The following SAMD5 variants were observed in gnomAD, a reference collection of about 807,000 sequenced individuals.
SAMD5 encodes sterile alpha motif domain-containing protein 5.
A neutral mutation model predicts 11.3 loss-of-function variants in SAMD5; 13 were observed. The ratio of observed to expected loss-of-function variants is 1.15; its 90% CI spans 0.75 to 1.83. The LOEUF (loss-of-function observed/expected upper bound fraction) is 1.83. Ranked by LOEUF, SAMD5 falls within the 40% of genes most tolerant of loss-of-function variation. The probability of loss-of-function intolerance (pLI) is 0.00; values close to 1 mark genes in which losing one functional copy is unlikely to be tolerated. For synonymous variants in SAMD5, 129 were observed against 111.3 expected, an observed-to-expected ratio of 1.16 and a Z score of -1.00; for missense variants, 255 against 239.1, an observed-to-expected ratio of 1.07 and a Z score of -0.44.
chr6:147,793,569 CTA>C, the SAMD5 span, among the ~76,000 whole-genome samples: 2 of 152,184 alleles, frequency 1.3e-5, no homozygotes, highest in East Asian at 3.9e-4. Context: ...GTTCATAGAT[CTA>C]TGTCTTTTTC....
At chr6:147,810,435 G>A in the SAMD5 span, among the ~76,000 whole-genome samples, 13 of 152,108 alleles carry the variant, frequency 8.5e-5, no homozygotes, top group African/African-American at 2.2e-4. Flanking sequence ...TGTGTAGTGC[G>A]GGCTTGACCC....
chr6:147,866,191 A>G, the SAMD5 span, among the ~76,000 whole-genome samples: 1 of 152,132 alleles, frequency 6.6e-6, no homozygotes, highest in Non-Finnish European at 1.5e-5. Context: ...CCAGACATAC[A>G]CATAGACACA....
chr6:147,609,720 C>G (rs1210557755), intron 1 of SAMD5, among the ~76,000 whole-genome samples: 1 of 152,004 alleles, frequency 6.6e-6, no homozygotes, highest in Non-Finnish European at 1.5e-5. Flanking sequence ...CCACGCCTGG[C>G]TAATTTTTTG....
the SAMD5 span, among the ~76,000 whole-genome samples, chr6:147,759,967 G>GTT: frequency 6.6e-6 from 1 of 152,110 alleles, no homozygotes; most frequent in Admixed American, 6.6e-5. Context: ...TCTTCCCTAT[G>GTT]AATTCATTGT....
intron 1 of SAMD5, among the ~76,000 whole-genome samples, chr6:147,702,760 G>A (rs1291367735): frequency 2.0e-5 from 3 of 152,080 alleles, no homozygotes; most frequent in Non-Finnish European, 4.4e-5. Context: ...ATGGACCAGT[G>A]GAGCTGCTGG....
chr6:147,828,008 G>A, the SAMD5 span, among the ~76,000 whole-genome samples: 1 of 151,224 alleles, frequency 6.6e-6, no homozygotes, highest in African/African-American at 2.4e-5. Context: ...CCGTGGTCTC[G>A]ATCTCCTGAC....
the SAMD5 span, among the ~76,000 whole-genome samples, chr6:147,755,681 G>T: frequency 6.6e-6 from 1 of 151,970 alleles, no homozygotes. Context: ...TCCAGATTTG[G>T]GGAATATAAC....
chr6:147,616,664 G>A (rs1310457062), intron 1 of SAMD5, among the ~76,000 whole-genome samples: 5 of 152,122 alleles, frequency 3.3e-5, no homozygotes, highest in African/African-American at 9.7e-5. Flanking sequence ...AGAAATACCC[G>A]AGACTGAGTA....
downstream of SAMD5, among the ~76,000 whole-genome samples, chr6:147,573,029 A>C (rs1257487400): frequency 6.6e-6 from 1 of 152,216 alleles, no homozygotes; most frequent in Non-Finnish European, 1.5e-5. Context: ...GCTGAGAATT[A>C]CAATTGCTTG....
At chr6:147,881,938 C>T in the SAMD5 span, among the ~76,000 whole-genome samples, 1 of 152,172 alleles carries the variant, frequency 6.6e-6, no homozygotes, top group East Asian at 1.9e-4. Context: ...CGGGCCCCAT[C>T]CATTACATTG....
intron 1 of SAMD5, among the ~76,000 whole-genome samples, chr6:147,682,968 A>G (rs544550308): frequency 6.6e-6 from 1 of 152,336 alleles, no homozygotes; most frequent in South Asian, 2.1e-4. Flanking sequence ...GTGAAATTCT[A>G]TGGTAATCAA....
chr6:147,835,483 T>C, the SAMD5 span, among the ~76,000 whole-genome samples: 1 of 152,132 alleles, frequency 6.6e-6, no homozygotes, highest in African/African-American at 2.4e-5. Flanking sequence ...CCTCCAGTCA[T>C]GATGGTCTAT....
At chr6:147,901,537 A>C in the SAMD5 span, among the ~76,000 whole-genome samples, 2 of 152,222 alleles carry the variant, frequency 1.3e-5, no homozygotes, top group South Asian at 4.1e-4. Flanking sequence ...ATGCTGGATT[A>C]AATAACTTCT....
chr6:147,949,484 GA>G, the SAMD5 span, among the ~76,000 whole-genome samples: 2 of 152,190 alleles, frequency 1.3e-5, no homozygotes, highest in African/African-American at 2.4e-5. Flanking sequence ...AAGAGAACTT[GA>G]AAACACTTTA....
In SAMD5 at chr6:147,564,974, T is replaced by C. The variant is rs1437882037; in HGVS notation, c.*518T>C. The C allele has an allele frequency of 3.7e-6, 3 of 818,272 alleles. No homozygotes were observed. The highest frequency in any genetic ancestry group is 4.4e-6 in the Non-Finnish European group (3 of 679,250). The allele number at this position is 818,272 out of a possible 1,614,324, so 50.7% of individuals were successfully genotyped here. On this transcript the variant is annotated 3_prime_UTR_variant, in exon 2 of 2. Transcript: ENST00000367474. Reference sequence around the variant, plus strand: ...TTATAAGATAAGATACATAATTCTATGTAGAATAGTTTGGTGAAGGAATTC... The same window carrying C: ...TTATAAGATAAGATACATAATTCTACGTAGAATAGTTTGGTGAAGGAATTC...
chr6:147,716,248 G>T (rs1327588781), intron 1 of SAMD5, among the ~76,000 whole-genome samples: 1 of 152,224 alleles, frequency 6.6e-6, no homozygotes, highest in East Asian at 1.9e-4. Context: ...GCAAGGGACT[G>T]GTGCATCAGT....
At chr6:147,688,325 G>A (rs2128456827) in intron 1 of SAMD5, among the ~76,000 whole-genome samples, 2 of 151,504 alleles carry the variant, frequency 1.3e-5, no homozygotes, top group South Asian at 4.2e-4. Context: ...TAATATTCTT[G>A]GTAATTTTTT....
At chr6:147,864,164 C>CA in the SAMD5 span, among the ~76,000 whole-genome samples, 7 of 152,082 alleles carry the variant, frequency 4.6e-5, no homozygotes, top group Non-Finnish European at 8.8e-5. Flanking sequence ...CACCAAACAG[C>CA]ATAAACATCA....
chr6:147,561,819 A>G (rs1388572017), intron 1 of SAMD5, among the ~76,000 whole-genome samples: 4 of 152,120 alleles, frequency 2.6e-5, no homozygotes, highest in East Asian at 1.9e-4. Flanking sequence ...GAGTGCCACA[A>G]TGTGATCAGC....
Sources: allele counts gnomAD v4.1 joint callset (sites outside exome capture counted in the v4.1 genomes callset), GRCh38; gene constraint gnomAD v4.1.1; transcripts MANE v1.5; gene names NCBI Gene and HGNC (gene_info 2026-07-23, HGNC 2026-07-21).